The following ABCA1 variants were observed in gnomAD, a reference collection of about 807,000 sequenced individuals.
ABCA1 encodes phospholipid-transporting ATPase ABCA1.
In ABCA1, 133 loss-of-function variants were observed where a neutral mutation model predicts 262.5. The ratio of observed to expected loss-of-function variants is 0.51; its 90% CI spans 0.44 to 0.59. The LOEUF (loss-of-function observed/expected upper bound fraction) is 0.59, where lower values mean the gene tolerates loss of function less well. ABCA1 is among the 20% of genes least tolerant of loss of function. The pLI, the probability that ABCA1 is intolerant of heterozygous loss-of-function variation, is 0.00. For synonymous variants in ABCA1, 1,022 were observed against 1,043.5 expected (o/e 0.98, Z 0.40); for missense variants, 2,452 against 2,777.5 (o/e 0.88, Z 2.63).
At chr9:104,818,364 C>CTCTTA (rs1831965628) in intron 23 of ABCA1, among the ~76,000 whole-genome samples, 1 of 152,112 alleles carries the variant, frequency 6.6e-6, no homozygotes, top group African/African-American at 2.4e-5. Flanking sequence ...GTAGCCAAGG[C>CTCTTA]TCTTACCTCT....
At chr9:104,831,221 C>CTTTT in intron 13 of ABCA1, 120 bp from the exon 14 acceptor site, 2 of 741,166 alleles carry the variant, frequency 2.7e-6, no homozygotes, top group South Asian at 1.9e-5. Context: ...ATTTTTGTAT[C>CTTTT]TTTTTTTTTT....
chr9:104,814,044 G>T (rs549478226), intron 27 of ABCA1, 74 bp downstream of exon 27: 313 of 1,500,084 alleles, frequency 2.1e-4, no homozygotes, highest in Admixed American at 1.4e-3. Context: ...GCCATCCAAA[G>T]AAAACAGGTG....
rs757513337 is a variant in ABCA1, at chr9:104,801,042, C to T, written c.4699-458G>A. On this transcript the variant is annotated intron_variant, in intron 34 of 49. Coordinates refer to ENST00000374736, the MANE Select transcript of ABCA1 (RefSeq NM_005502.4). ...TTTATCAGAGCCCCTTAATTCTCAC[C>T]TAAAAATGGGAAACCTGAGACACAG... is the stretch of plus-strand genomic sequence containing the variant. 4.9e-4 allele frequency among the ~76,000 whole-genome samples: 73 copies of T among 149,254 alleles called. 1 individual carries two copies. Among genetic ancestry groups the T allele is most frequent in the Non-Finnish European group, 6.8e-4 (46 of 67,782 alleles).
Position 104,884,570 on chromosome 9 carries a change from T to C in ABCA1, c.161-2A>G. On this transcript the variant is annotated splice_acceptor_variant, in intron 3 of 49. Transcript: ENST00000374736. LOFTEE classifies it high-confidence loss of function. ...GCATGGCTTTATTTGGAAAATGGCC[T>C]GTTGAAATCGAGGAGTAGAAAAACA... is the stretch of plus-strand genomic sequence containing the variant. The C allele has an allele frequency of 1.9e-6, 3 of 1,614,192 alleles. No homozygotes were observed. Among genetic ancestry groups the C allele is most frequent in the Non-Finnish European group, 2.5e-6 (3 of 1,180,006 alleles).
chr9:104,843,524 G>A (rs1006231963), intron 8 of ABCA1, among the ~76,000 whole-genome samples: 2 of 152,174 alleles, frequency 1.3e-5, no homozygotes, highest in African/African-American at 4.8e-5. Context: ...ACAGTTCTGG[G>A]TTTGAATCCC....
At chr9:104,832,264 G>A (rs1340567043) in intron 12 of ABCA1, among the ~76,000 whole-genome samples, 1 of 152,090 alleles carries the variant, frequency 6.6e-6, no homozygotes, top group African/African-American at 2.4e-5. Flanking sequence ...CTTTTTAAGG[G>A]AATGCTTTGC....
At chr9:104,833,682 C>A (rs1833548592) in intron 11 of ABCA1, among the ~76,000 whole-genome samples, 2 of 152,202 alleles carry the variant, frequency 1.3e-5, no homozygotes, top group South Asian at 4.1e-4. Flanking sequence ...CCACATAAAA[C>A]CTAATTCCTT....
rs768649361 is a variant in ABCA1, at chr9:104,830,879, G to A, written c.1892+46C>T. The A allele has an allele frequency of 1.1e-5, 17 of 1,603,440 alleles. No homozygotes were observed. In the Admixed American group the frequency reaches 2.8e-4, roughly 27 times the overall value. On this transcript the variant is annotated intron_variant, in intron 14 of 49. Transcript: ENST00000374736. ...CACACACATATATACACCCCCATCT[G>A]GCACAGTATAAACTGGTTAAAAACA...
At chr9:104,786,108 T>C (rs1379730318) in intron 48 of ABCA1, among the ~76,000 whole-genome samples, 190 bp downstream of exon 48, 2 of 151,832 alleles carry the variant, frequency 1.3e-5, no homozygotes, top group African/African-American at 2.4e-5. Flanking sequence ...TGCCCAAGAG[T>C]CACAGAACCA....
At chr9:104,862,580 C>G (rs1836518101) in intron 5 of ABCA1, among the ~76,000 whole-genome samples, 1 of 150,560 alleles carries the variant, frequency 6.6e-6, no homozygotes, top group South Asian at 2.1e-4. Flanking sequence ...CAATGGTTCT[C>G]AAACTTAAGT....
intron 19 of ABCA1, among the ~76,000 whole-genome samples, chr9:104,821,992 T>C (rs567148609): frequency 6.6e-6 from 1 of 152,288 alleles, no homozygotes; most frequent in Non-Finnish European, 1.5e-5. Flanking sequence ...CCCTTTGGAA[T>C]GGTTAGAATG....
In ABCA1 at chr9:104,928,132, C is replaced by CCA. The variant is rs1826497739; in HGVS notation, c.-292_-291dup. 3 of 152,310 alleles carry CCA rather than the reference C, an allele frequency of 2.0e-5. No individual in the cohort carries two copies. Among genetic ancestry groups the CCA allele is most frequent in the Admixed American group, 2.0e-4 (3 of 15,280 alleles). The allele number at this position is 152,310 out of a possible 1,614,324, so 9.4% of individuals were successfully genotyped here. On this transcript the variant is annotated 5_prime_UTR_variant, in exon 1 of 50. Transcript: ENST00000374736. ...CGGCTCGGCTCTGCGGGTCCCGGCC[C>CCA]CACTCACTCTCGCTCGCAATTACGG...
At chr9:104,889,219 A>T in intron 2 of ABCA1, 24 bp from the exon 3 acceptor site, 1 of 1,610,476 alleles carries the variant, frequency 6.2e-7, no homozygotes, top group East Asian at 2.2e-5. Context: ...AAGATAGAAC[A>T]CTGTAAATTT....
rs1049859104 is a variant in ABCA1 at position 104,837,524 on chromosome 9, A to G, written c.1098T>C (p.Pro366=). 6.2e-7 allele frequency: 1 copy of G among 1,614,082 alleles called. No homozygotes were observed. The highest frequency in any genetic ancestry group is 1.3e-5 in the African/African-American group (1 of 74,946). The stretch of plus-strand genomic sequence containing the variant: ...GAGCTTTCCAGATAATGCGGGAAAG[A>G]GGACTAGACTCCAAATTCTTCATCA... ...NDLMKNLESS[P]LSRIIWKALK... The change falls in exon 10 of 50, where the codon CCT becomes CCC. Residue 366 remains proline (P), a synonymous_variant. Coordinates refer to ENST00000374736, the MANE Select transcript of ABCA1 (RefSeq NM_005502.4).
chr9:104,912,881 G>A (rs1841586193), intron 1 of ABCA1, among the ~76,000 whole-genome samples: 1 of 152,154 alleles, frequency 6.6e-6, no homozygotes, highest in Non-Finnish European at 1.5e-5. Context: ...GATCTGAAGG[G>A]AAGGGATTAG....
Position 104,817,262 on chromosome 9 carries a change from C to G in ABCA1, c.3535+70G>C. 1 of 1,613,102 alleles carries G rather than the reference C, an allele frequency of 6.2e-7. No individual in the cohort carries two copies. The highest frequency in any genetic ancestry group is 8.5e-7 in the Non-Finnish European group (1 of 1,179,700). ...GCCACCAGCCTCTGCACCTCTCCTC[C>G]TCTGCCTCCACTCTGCCCAGCTGGG... On this transcript the variant is annotated intron_variant, in intron 24 of 49. Coordinates refer to ENST00000374736, the MANE Select transcript of ABCA1 (RefSeq NM_005502.4). This position sits in a 1 kb window ranked among gnomAD's most constrained non-coding sequence, Gnocchi z 4.7.
intron 7 of ABCA1, chr9:104,856,033 G>A: frequency 2.5e-6 from 4 of 1,612,216 alleles, no homozygotes; most frequent in Non-Finnish European, 3.4e-6. Flanking sequence ...TGCTACTGCT[G>A]CACTTCTTGG....
intron 2 of ABCA1, among the ~76,000 whole-genome samples, chr9:104,901,216 T>C (rs1411886194): frequency 6.6e-6 from 1 of 152,100 alleles, no homozygotes; most frequent in Non-Finnish European, 1.5e-5. Context: ...ATAAAAATAG[T>C]TTGGAGGAGG....
chr9:104,856,184 C>G, intron 7 of ABCA1: 1 of 1,430,980 alleles, frequency 7.0e-7, no homozygotes, highest in Non-Finnish European at 9.2e-7. Context: ...AATTAAGGCC[C>G]TGCTTAATTC....
Sources: allele counts gnomAD v4.1 joint callset (sites outside exome capture counted in the v4.1 genomes callset), GRCh38; gene constraint gnomAD v4.1.1; non-coding constraint Gnocchi (gnomAD v3.1); transcripts MANE v1.5; gene names NCBI Gene and HGNC (gene_info 2026-07-23, HGNC 2026-07-21).